The following NUCB2 variants were observed in gnomAD, a reference collection of about 807,000 sequenced individuals.
NUCB2 encodes nucleobindin 2, also known as nucleobindin-2.
NUCB2 carries 48 observed loss-of-function variants against 57.9 expected under a neutral mutation model. The ratio of observed to expected loss-of-function variants is 0.83; its 90% CI spans 0.66 to 1.05. The LOEUF (loss-of-function observed/expected upper bound fraction) is 1.05, where lower values mean the gene tolerates loss of function less well. Among genes scored for constraint, NUCB2 ranks in the 50% least tolerant of loss-of-function variants. The probability of loss-of-function intolerance (pLI) is 0.00; values close to 1 mark genes in which losing one functional copy is unlikely to be tolerated. For missense variants in NUCB2, 442 were observed against 476.2 expected (o/e 0.93, Z 0.67); for synonymous variants, 139 against 152.1 (o/e 0.91, Z 0.64).
intron 11 of NUCB2, among the ~76,000 whole-genome samples, chr11:17,324,426 T>C (rs1212800327): frequency 6.6e-6 from 1 of 152,122 alleles, no homozygotes; most frequent in Non-Finnish European, 1.5e-5. Context: ...CTTGCTATTA[T>C]TTCTATTTTT....
rs78804592 is a variant in NUCB2 at position 17,300,105 on chromosome 11, G to A, written c.253-1639G>A. ...AGCTTACTACAACCTCCACCTTCCCGGCTGACACGATTCTCCTATCTCAGC... is the reference window on the plus strand; with the variant it reads ...AGCTTACTACAACCTCCACCTTCCCAGCTGACACGATTCTCCTATCTCAGC... On this transcript the variant is annotated intron_variant, in intron 4 of 13. Coordinates refer to ENST00000529010, the MANE Select transcript of NUCB2 (RefSeq NM_005013.4). 3.0e-3 allele frequency among the ~76,000 whole-genome samples: 448 copies of A among 151,712 alleles called. 5 individuals carry two copies. Among genetic ancestry groups the A allele is most frequent in the Middle Eastern group, 0.01 (3 of 292 alleles).
intron 2 of NUCB2, among the ~76,000 whole-genome samples, chr11:17,284,661 C>T (rs1015420718): frequency 3.9e-5 from 6 of 151,930 alleles, no homozygotes; most frequent in African/African-American, 1.5e-4. Context: ...GACTTGTTGA[C>T]CTCAAACAAA....
Position 17,343,159 on chromosome 11 carries a change from T to C in NUCB2, n.2626+5625T>C, listed in dbSNP as rs1952430359. Among the ~76,000 whole-genome samples, 3 of 152,162 alleles carry C rather than the reference T, an allele frequency of 2.0e-5. No homozygotes were observed. The South Asian group carries it at 6.2e-4, about 32-fold the overall frequency. ...ACCCCTGCCTTTTTTTGTTTTCCAT[T>C]TGCTTGGTAGATCTTCCTCCATCCC... On this transcript the variant is annotated intron_variant and non_coding_transcript_variant, in intron 2 of 2. Transcript: ENST00000532240.
At chr11:17,329,638 G>T (rs1253928933) in intron 11 of NUCB2, among the ~76,000 whole-genome samples, 1 of 152,226 alleles carries the variant, frequency 6.6e-6, no homozygotes, top group Non-Finnish European at 1.5e-5. Context: ...TCTCTGTGCT[G>T]CAGGTCTGCC....
chr11:17,339,376 GT>G (rs2139594925), intron 2 of NUCB2, among the ~76,000 whole-genome samples: 1 of 152,162 alleles, frequency 6.6e-6, no homozygotes, highest in South Asian at 2.1e-4. Flanking sequence ...TATACTTTAA[GT>G]TTTAGGGTTC....
intron 3 of NUCB2, among the ~76,000 whole-genome samples, chr11:17,295,871 A>G (rs1945742747): frequency 1.3e-5 from 2 of 152,244 alleles, no homozygotes; most frequent in African/African-American, 4.8e-5. Context: ...AATCTACTGG[A>G]CTAGAGAGTG....
At chr11:17,315,281 T>C in intron 10 of NUCB2, 105 bp from the exon 11 acceptor site, 1 of 540,752 alleles carries the variant, frequency 1.8e-6, no homozygotes. Flanking sequence ...TGAGTCCTAA[T>C]TGCTGTATGT....
chr11:17,331,532 A>G lies in NUCB2; in HGVS notation c.*113A>G. 1 of 613,072 alleles carries G rather than the reference A, an allele frequency of 1.6e-6. No homozygotes were observed. The highest frequency in any genetic ancestry group is 2.6e-6 in the Non-Finnish European group (1 of 385,486). The allele number at this position is 613,072 out of a possible 1,614,324, so 38.0% of individuals were successfully genotyped here. ...TAAATATTTTAAAAGCATATTTGAA[A>G]TAAAGGGAGATACTTTTTAAATGAA... On this transcript the variant is annotated 3_prime_UTR_variant, in exon 14 of 14. Coordinates refer to ENST00000529010, the MANE Select transcript of NUCB2 (RefSeq NM_005013.4).
At chr11:17,290,667 AAATT>A (rs1370187434) in intron 2 of NUCB2, among the ~76,000 whole-genome samples, 1 of 152,140 alleles carries the variant, frequency 6.6e-6, no homozygotes, top group Non-Finnish European at 1.5e-5. Context: ...ATTTGAATAA[AAATT>A]AACAGAATTA....
At chr11:17,335,519 T>G (rs74845702), downstream of NUCB2, among the ~76,000 whole-genome samples, 5 of 152,126 alleles carry the variant, frequency 3.3e-5, no homozygotes, top group Non-Finnish European at 5.9e-5. Context: ...TTTTTTTTTT[T>G]GAGACAGAGT....
At chr11:17,311,389 A>G (rs1948459937) in intron 8 of NUCB2, 106 bp downstream of exon 8, 1 of 759,200 alleles carries the variant, frequency 1.3e-6, no homozygotes, top group South Asian at 2.0e-5. Context: ...TTCTAGTGAG[A>G]GTAAATGGTT....
chr11:17,302,881 G>A (rs1366274323), intron 5 of NUCB2, among the ~76,000 whole-genome samples: 4 of 152,014 alleles, frequency 2.6e-5, no homozygotes, highest in African/African-American at 4.8e-5. Flanking sequence ...TGGGACTACA[G>A]GCGCCCACTA....
At chr11:17,298,486 C>G (rs1469574586) in intron 4 of NUCB2, among the ~76,000 whole-genome samples, 1 of 151,374 alleles carries the variant, frequency 6.6e-6, no homozygotes, top group African/African-American at 2.4e-5. Flanking sequence ...GAGGATCACT[C>G]GAGCCCAGGA....
At chr11:17,318,767 C>T (rs1013136853) in intron 11 of NUCB2, among the ~76,000 whole-genome samples, 7 of 151,978 alleles carry the variant, frequency 4.6e-5, no homozygotes, top group African/African-American at 1.7e-4. Context: ...AACAAGAAGC[C>T]ACGAGTCTAC....
At chr11:17,317,442 G>T in intron 11 of NUCB2, 1 of 194,120 alleles carries the variant, frequency 5.2e-6, no homozygotes, top group South Asian at 8.0e-5. Context: ...TGTAATCATA[G>T]TAAAATTATC....
At chr11:17,297,209 A>G (rs1945957400) in intron 4 of NUCB2, among the ~76,000 whole-genome samples, 1 of 152,168 alleles carries the variant, frequency 6.6e-6, no homozygotes, top group Non-Finnish European at 1.5e-5. Context: ...TGTTACCTTT[A>G]TTTATTTAAG....
chr11:17,318,630 T>G (rs1949613924), intron 11 of NUCB2, among the ~76,000 whole-genome samples: 1 of 151,994 alleles, frequency 6.6e-6, no homozygotes, highest in African/African-American at 2.4e-5. Flanking sequence ...AGTAAGGAAG[T>G]CCCTAAAGAA....
At chr11:17,298,145 T>TAA (rs1946139163) in intron 4 of NUCB2, among the ~76,000 whole-genome samples, 1 of 148,550 alleles carries the variant, frequency 6.7e-6, no homozygotes, top group Non-Finnish European at 1.5e-5. Context: ...TTTGGGAGAC[T>TAA]AAAGCAAGAG....
chr11:17,315,798 A>T (rs1364742326), intron 11 of NUCB2, among the ~76,000 whole-genome samples: 1 of 152,204 alleles, frequency 6.6e-6, no homozygotes, highest in Non-Finnish European at 1.5e-5. Context: ...TAATTTTACT[A>T]ATCAGAGGTA....
Sources: allele counts gnomAD v4.1 joint callset (sites outside exome capture counted in the v4.1 genomes callset), GRCh38; gene constraint gnomAD v4.1.1; transcripts MANE v1.5; gene names NCBI Gene and HGNC (gene_info 2026-07-23, HGNC 2026-07-21).